MYO5B: variants seen among roughly 807,000 people sequenced by gnomAD.
MYO5B encodes unconventional myosin-Vb.
Under a neutral mutation model 229.3 loss-of-function variants are expected in MYO5B, and 143 were observed. That is an observed-to-expected ratio of 0.62 (90% CI 0.54 to 0.72). The LOEUF (loss-of-function observed/expected upper bound fraction) is 0.72, where lower values mean the gene tolerates loss of function less well. MYO5B is among the 30% of genes least tolerant of loss of function. The pLI, the probability that MYO5B is intolerant of heterozygous loss-of-function variation, is 0.00. For missense variants in MYO5B, 2,321 were observed against 2,331.0 expected (o/e 1.00, Z 0.09); for synonymous variants, 918 against 885.2 (o/e 1.04, Z -0.66).
intron 1 of MYO5B, among the ~76,000 whole-genome samples, chr18:50,119,254 C>G (rs145142206): frequency 6.6e-6 from 1 of 152,172 alleles, no homozygotes; most frequent in Non-Finnish European, 1.5e-5. Flanking sequence ...CTATCCCAGA[C>G]GAGGGGCTCC....
At chr18:50,089,049 T>C (rs1165959717) in intron 1 of MYO5B, among the ~76,000 whole-genome samples, 1 of 152,160 alleles carries the variant, frequency 6.6e-6, no homozygotes, top group African/African-American at 2.4e-5. Flanking sequence ...CAGTTTCCTT[T>C]AAGTACCATT....
chr18:50,055,112 A>G (rs1310073236), intron 2 of MYO5B, among the ~76,000 whole-genome samples, 156 bp downstream of exon 2: 6 of 152,180 alleles, frequency 3.9e-5, no homozygotes, highest in Admixed American at 3.3e-4. Context: ...GCACTTTCAC[A>G]TACATCAATA....
chr18:50,160,010 T>C (rs2032740988), intron 1 of MYO5B, among the ~76,000 whole-genome samples: 1 of 152,222 alleles, frequency 6.6e-6, no homozygotes, highest in African/African-American at 2.4e-5. Context: ...AGTTGGACAG[T>C]ACTCACGCAG....
chr18:50,045,006 A>G (rs1459988429), intron 2 of MYO5B, among the ~76,000 whole-genome samples: 1 of 152,142 alleles, frequency 6.6e-6, no homozygotes, highest in East Asian at 1.9e-4. Context: ...AAAGAGGGAG[A>G]AAATGAAAAA....
intron 1 of MYO5B, among the ~76,000 whole-genome samples, chr18:50,154,445 G>T (rs2032649260): frequency 1.3e-5 from 2 of 152,114 alleles, no homozygotes; most frequent in African/African-American, 4.8e-5. Flanking sequence ...ATTGGTACGG[G>T]ATTTGTCTAA....
intron 1 of MYO5B, among the ~76,000 whole-genome samples, chr18:50,129,122 C>T (rs1038071590): frequency 6.6e-6 from 1 of 152,176 alleles, no homozygotes; most frequent in Non-Finnish European, 1.5e-5. Context: ...CCAGGCCCCA[C>T]GGTGGTGGGA....
At chr18:49,864,884 C>G (rs1417851655) in intron 27 of MYO5B, among the ~76,000 whole-genome samples, 4 of 152,176 alleles carry the variant, frequency 2.6e-5, no homozygotes, top group Non-Finnish European at 5.9e-5. Flanking sequence ...GGAAGATACA[C>G]CAGGGACACA....
intron 9 of MYO5B, 88 bp downstream of exon 9, chr18:49,980,356 T>C (rs1217883751): frequency 1.1e-6 from 1 of 942,952 alleles, no homozygotes; most frequent in Non-Finnish European, 1.7e-6. Context: ...CCTATGAGTG[T>C]CCTCTAACTG....
chr18:50,018,339 T>A (rs185967909), intron 4 of MYO5B, among the ~76,000 whole-genome samples: 136 of 151,254 alleles, frequency 9.0e-4, no homozygotes, highest in Non-Finnish European at 1.6e-3. Context: ...ATAAAGAACT[T>A]TGCATTTGCA....
rs143183905 is a variant in MYO5B at position 49,888,547 on chromosome 18, G to A, written c.3045+6394C>T. Among the ~76,000 whole-genome samples, 235 of 152,304 alleles carry A rather than the reference G, an allele frequency of 1.5e-3. 1 individual carries two copies. Among genetic ancestry groups the A allele is most frequent in the African/African-American group, 5.3e-3 (221 of 41,564 alleles). ...GGTTTGGGAATGTGAAGAGTTCTAC[G>A]TTGCCAAAACGTGTGGTTGCAGCAC... On this transcript the variant is annotated intron_variant, in intron 22 of 39. Coordinates refer to ENST00000285039, the MANE Select transcript of MYO5B (RefSeq NM_001080467.3).
rs2024698195 is a variant in MYO5B at position 49,890,444 on chromosome 18, G to A, written c.3045+4497C>T. Among the ~76,000 whole-genome samples the A allele has an allele frequency of 2.0e-5, 3 of 152,138 alleles. No homozygotes were observed. In the South Asian group the frequency reaches 6.2e-4, roughly 32 times the overall value. On this transcript the variant is annotated intron_variant, in intron 22 of 39. Transcript: ENST00000285039. ...CAGTGTTTCTTCTAAAAGCTTATTT[G>A]GGACAGCTTATCAGAATCAACACTG...
chr18:49,935,625 G>A (rs2144208513), intron 16 of MYO5B, among the ~76,000 whole-genome samples: 1 of 152,350 alleles, frequency 6.6e-6, no homozygotes, highest in Admixed American at 6.5e-5. Flanking sequence ...ACAAACACTT[G>A]TCTGGAATTT....
chr18:49,954,186 G>A (rs983370515), intron 13 of MYO5B, 127 bp downstream of exon 13: 3 of 1,414,842 alleles, frequency 2.1e-6, no homozygotes, highest in African/African-American at 2.8e-5. Context: ...GGATGGAAGG[G>A]GAACCTAGCT....
chr18:49,853,520 G>A lies in MYO5B; in HGVS notation c.4150C>T (p.Leu1384=). ...KQQQTFCQTL[L]LSPEAQVEFG... is the part of the protein sequence containing the mutation. ...TCCACCTGGGCCTCTGGGGAGAGCAGTAGCGTCTGGCAGAAGGTCTGCTGC... is the reference window on the plus strand; with the variant it reads ...TCCACCTGGGCCTCTGGGGAGAGCAATAGCGTCTGGCAGAAGGTCTGCTGC... The change falls in exon 31 of 40, where the codon CTG becomes TTG. Residue 1384 remains leucine (L), a synonymous_variant. Coordinates refer to ENST00000285039, the MANE Select transcript of MYO5B (RefSeq NM_001080467.3). The A allele has an allele frequency of 6.2e-7, 1 of 1,614,204 alleles. No homozygotes were observed. The highest frequency in any genetic ancestry group is 8.5e-7 in the Non-Finnish European group (1 of 1,180,034).
chr18:49,954,139 C>T (rs1358793857), intron 13 of MYO5B, among the ~76,000 whole-genome samples, 174 bp downstream of exon 13: 1 of 150,440 alleles, frequency 6.6e-6, no homozygotes, highest in Non-Finnish European at 1.5e-5. Flanking sequence ...TTGTGGTAAG[C>T]TTGGTATCCC....
chr18:49,906,448 C>G lies in MYO5B; in HGVS notation c.2385G>C (p.Gln795His). The change falls in exon 19 of 40, where the codon CAG (glutamine) becomes CAC (histidine). Residue 795 changes from glutamine (Q) to histidine (H), a missense_variant. Transcript: ENST00000285039. Reference protein sequence around the residue: ...HRLKGATLTLQRYCRGHLARR... With the variant: ...HRLKGATLTLHRYCRGHLARR... ...GGGCCAGGTGTCCCCGGCAGTACCT[C>G]TGCAGGGTTAAGGTAGCCCCCTTCA... The G allele has an allele frequency of 6.2e-7, 1 of 1,614,188 alleles. No individual in the cohort carries two copies. Among genetic ancestry groups the G allele is most frequent in the Non-Finnish European group, 8.5e-7 (1 of 1,180,032 alleles).
At position 49,935,589 on chromosome 18, in the gene MYO5B, G is replaced by A. The variant is rs569679134; in HGVS notation, c.2003+663C>T. Among the ~76,000 whole-genome samples, 7 of 152,334 alleles carry A rather than the reference G, an allele frequency of 4.6e-5. No individual in the cohort carries two copies. The South Asian group carries it at 1.2e-3, about 27-fold the overall frequency. On this transcript the variant is annotated intron_variant, in intron 16 of 39. Coordinates refer to ENST00000285039, the MANE Select transcript of MYO5B (RefSeq NM_001080467.3). ...GTCTCAGATGTGCTGAAGGCAAGGT[G>A]GATAATGAAGCTGTAGTAGGCTTGC... is the stretch of plus-strand genomic sequence containing the variant.
intron 2 of MYO5B, among the ~76,000 whole-genome samples, chr18:50,044,895 AG>A (rs1007691182): frequency 6.6e-6 from 1 of 150,610 alleles, no homozygotes; most frequent in Non-Finnish European, 1.5e-5. Flanking sequence ...AGCAAGTAGG[AG>A]GGGGGAAAAA....
chr18:49,873,825 G>A (rs2024485535), intron 26 of MYO5B, among the ~76,000 whole-genome samples: 2 of 152,166 alleles, frequency 1.3e-5, no homozygotes, highest in South Asian at 4.1e-4. Context: ...TGGCTGGGTG[G>A]GAGGTCAAAT....
Sources: allele counts gnomAD v4.1 joint callset (sites outside exome capture counted in the v4.1 genomes callset), GRCh38; gene constraint gnomAD v4.1.1; transcripts MANE v1.5; gene names NCBI Gene and HGNC (gene_info 2026-07-23, HGNC 2026-07-21).